PWP1: variants seen among roughly 807,000 people sequenced by gnomAD.
PWP1 encodes PWP1 homolog, endonuclein, also known as periodic tryptophan protein 1 homolog.
PWP1 carries 47 observed loss-of-function variants against 69.9 expected under a neutral mutation model. That is an observed-to-expected ratio of 0.67 (90% CI 0.53 to 0.86). The LOEUF (loss-of-function observed/expected upper bound fraction) is 0.86. PWP1 is among the 40% of genes least tolerant of loss of function. PWP1 has a pLI of 0.00. For synonymous variants in PWP1, 222 were observed against 208.2 expected, an observed-to-expected ratio of 1.07 and a Z score of -0.57; for missense variants, 551 against 608.8, an observed-to-expected ratio of 0.91 and a Z score of 1.00.
intron 11 of PWP1, among the ~76,000 whole-genome samples, chr12:107,706,843 A>G (rs1889834205): frequency 2.0e-5 from 3 of 152,108 alleles, no homozygotes; most frequent in Admixed American, 2.0e-4. Flanking sequence ...TGATGCCTCC[A>G]CCTTTGTTCT....
intron 13 of PWP1, 139 bp downstream of exon 13, chr12:107,709,371 T>G: frequency 8.7e-7 from 1 of 1,145,786 alleles, no homozygotes; most frequent in Non-Finnish European, 1.2e-6. Context: ...AATTTTGAGT[T>G]TAGTCAAATT....
Position 107,712,950 on chromosome 12 carries a change from A to G in PWP1, c.*730A>G, listed in dbSNP as rs1808610551. On this transcript the variant is annotated 3_prime_UTR_variant, in exon 15 of 15. Transcript: ENST00000412830. ...GTATGAGTTTTAGTAGGCATTAAAA[A>G]TCGTAATTAGTTTGATAATATGAGA... The G allele has an allele frequency of 6.6e-6, 1 of 152,226 alleles. No homozygotes were observed. Among genetic ancestry groups the G allele is most frequent in the Non-Finnish European group, 1.5e-5 (1 of 68,040 alleles). The allele number at this position is 152,226 out of a possible 1,614,324, so 9.4% of individuals were successfully genotyped here.
chr12:107,686,009 C>T (rs1393190291), intron 1 of PWP1, 38 bp downstream of exon 1: 3 of 1,605,886 alleles, frequency 1.9e-6, no homozygotes, highest in South Asian at 1.1e-5. Context: ...GGAGCAGCGT[C>T]TTTACGGCAC....
chr12:107,692,849 ACGGT>A lies in PWP1; in HGVS notation c.357_360del (p.Val120ThrfsTer12). ...TCTTGGTGAATCTCTCTTGGGTCTT[ACGGT>A]CTACGGGAGTAATGATCAAGATCCT... On this transcript the variant is annotated frameshift_variant, in exon 4 of 15. Transcript: ENST00000412830. LOFTEE classifies it high-confidence loss of function. The A allele has an allele frequency of 6.2e-7, 1 of 1,613,914 alleles. No individual in the cohort carries two copies. The highest frequency in any genetic ancestry group is 8.5e-7 in the Non-Finnish European group (1 of 1,179,866).
In PWP1 at chr12:107,688,600, T is replaced by C; in HGVS notation, c.132-15T>C. 6.2e-7 allele frequency: 1 copy of C among 1,612,422 alleles called. No homozygotes were observed. The highest frequency in any genetic ancestry group is 8.5e-7 in the Non-Finnish European group (1 of 1,178,638). Reference sequence around the variant, plus strand: ...TAGCATTTGGGTGATTCTCTTTTTCTTTCTGTGCTCATAGAGAAGAAGGTG... The same window carrying C: ...TAGCATTTGGGTGATTCTCTTTTTCCTTCTGTGCTCATAGAGAAGAAGGTG... On this transcript the variant is annotated splice_polypyrimidine_tract_variant and intron_variant, in intron 2 of 14. Transcript: ENST00000412830.
chr12:107,692,618 C>T, intron 3 of PWP1, 196 bp from the exon 4 acceptor site: 1 of 545,438 alleles, frequency 1.8e-6, no homozygotes, highest in Non-Finnish European at 3.2e-6. Context: ...GTCTGAAATC[C>T]ATTCCAAAGG....
intron 5 of PWP1, among the ~76,000 whole-genome samples, chr12:107,696,147 C>T (rs1168745097): frequency 2.0e-5 from 3 of 150,726 alleles, no homozygotes; most frequent in African/African-American, 4.9e-5. Flanking sequence ...ATTCTCCTGC[C>T]TCAGCCTCCC....
At chr12:107,708,692 C>T (rs1409080538) in intron 11 of PWP1, among the ~76,000 whole-genome samples, 1 of 152,184 alleles carries the variant, frequency 6.6e-6, no homozygotes, top group Admixed American at 6.5e-5. Flanking sequence ...GCTCTAGCCC[C>T]ATTCCAGACC....
At chr12:107,704,794 C>A in intron 11 of PWP1, 47 bp downstream of exon 11, 1 of 1,458,196 alleles carries the variant, frequency 6.9e-7, no homozygotes, top group Non-Finnish European at 9.6e-7. Context: ...TTGCTAATGA[C>A]TTTTTAAATT....
chr12:107,707,213 A>G (rs1889841513), intron 11 of PWP1, among the ~76,000 whole-genome samples: 1 of 152,152 alleles, frequency 6.6e-6, no homozygotes, highest in Admixed American at 6.5e-5. Context: ...TTATTGGTGT[A>G]TAAGAATGCT....
At chr12:107,692,250 G>A (rs988000366) in intron 3 of PWP1, among the ~76,000 whole-genome samples, 20 of 152,126 alleles carry the variant, frequency 1.3e-4, no homozygotes, top group African/African-American at 3.6e-4. Flanking sequence ...TGTTACCATC[G>A]TAGATGTGCC....
Position 107,685,832 on chromosome 12 carries a change from G to A in PWP1, c.-68G>A. 6.5e-7 allele frequency: 1 copy of A among 1,533,938 alleles called. No individual in the cohort carries two copies. The highest frequency in any genetic ancestry group is 9.0e-7 in the Non-Finnish European group (1 of 1,109,440). ...TGTGCAGATCCCTGAGCGTGTGGCAGCAGTGCGGTCGTGGTCCCTCCCTAT... is the reference window on the plus strand; with the variant it reads ...TGTGCAGATCCCTGAGCGTGTGGCAACAGTGCGGTCGTGGTCCCTCCCTAT... On this transcript the variant is annotated 5_prime_UTR_variant, in exon 1 of 15. Coordinates refer to ENST00000412830, the MANE Select transcript of PWP1 (RefSeq NM_007062.3).
At position 107,702,962 on chromosome 12, in the gene PWP1, C is replaced by T; in HGVS notation, c.834C>T (p.Asp278=). The T allele has an allele frequency of 6.2e-7, 1 of 1,611,296 alleles. No individual in the cohort carries two copies. Among genetic ancestry groups the T allele is most frequent in the Non-Finnish European group, 8.5e-7 (1 of 1,177,486 alleles). ...IRNVLASASA[D]NTVILWDMSL... is the part of the protein sequence containing the mutation. ...ATGTTTTAGCAAGTGCATCAGCTGACAACACTGTAATTCTGTGGGATATGT... is the reference window on the plus strand; with the variant it reads ...ATGTTTTAGCAAGTGCATCAGCTGATAACACTGTAATTCTGTGGGATATGT... The change falls in exon 9 of 15, where the codon GAC becomes GAT. Residue 278 remains aspartate, a synonymous_variant. Coordinates refer to ENST00000412830, the MANE Select transcript of PWP1 (RefSeq NM_007062.3).
intron 11 of PWP1, among the ~76,000 whole-genome samples, chr12:107,706,874 G>A (rs1889834832): frequency 6.6e-6 from 1 of 152,206 alleles, no homozygotes; most frequent in Non-Finnish European, 1.5e-5. Flanking sequence ...GATTGTCTTG[G>A]CAATGTGGGC....
chr12:107,701,962 G>T (rs1406345783), intron 8 of PWP1, among the ~76,000 whole-genome samples: 1 of 152,220 alleles, frequency 6.6e-6, no homozygotes, highest in African/African-American at 2.4e-5. Context: ...ATAGGCATGA[G>T]CCACCGCGCC....
chr12:107,692,779 A>G (rs778349209), intron 3 of PWP1, 35 bp from the exon 4 acceptor site: 9 of 1,523,288 alleles, frequency 5.9e-6, no homozygotes, highest in Non-Finnish European at 7.2e-6. Flanking sequence ...CAAGATGACT[A>G]TTTTATTATT....
rs537077822 is a variant in PWP1, at chr12:107,704,679, C to A, written c.1009C>A (p.Arg337=). The A allele has an allele frequency of 1.2e-6, 2 of 1,613,922 alleles. No individual in the cohort carries two copies. Among genetic ancestry groups the A allele is most frequent in the Admixed American group, 1.7e-5 (1 of 59,956 alleles). Residue 337 remains arginine, a synonymous_variant, in exon 11 of 15, where the codon CGA becomes AGA. Transcript: ENST00000412830. ...YDCRSPDESH[R]MWRFSGQIER... ...CTGCCGAAGTCCAGATGAAAGCCAT[C>A]GAATGTGGCGATTCAGTGGGCAGAT...
chr12:107,688,480 C>T lies in PWP1; in HGVS notation c.105C>T (p.Leu35=). ...TGAGTAAAGAAGAAGTAAAACGCCT[C>T]ATTGCTGAGGCAAAGGAGAAATTGC... ...VELSKEEVKR[L]IAEAKEKLQE... is the part of the protein sequence containing the mutation. Residue 35 remains leucine, a synonymous_variant, in exon 2 of 15, where the codon CTC becomes CTT. Transcript: ENST00000412830. 6.2e-7 allele frequency: 1 copy of T among 1,614,068 alleles called. No homozygotes were observed. Among genetic ancestry groups the T allele is most frequent in the Non-Finnish European group, 8.5e-7 (1 of 1,179,998 alleles).
chr12:107,697,860 A>G (rs1349706142), intron 7 of PWP1: 3 of 506,244 alleles, frequency 5.9e-6, no homozygotes, highest in African/African-American at 3.9e-5. Flanking sequence ...AATAGCTACT[A>G]TAGATGAAGG....
Sources: gnomAD v4.1 joint callset for allele counts (sites outside exome capture counted in the v4.1 genomes callset) on GRCh38, gnomAD v4.1.1 for gene constraint, MANE v1.5 for transcripts, NCBI Gene and HGNC (gene_info 2026-07-23, HGNC 2026-07-21) for gene names.